The following TTLL9 variants were observed in gnomAD, a reference collection of about 807,000 sequenced individuals.
TTLL9 encodes the protein tubulin tyrosine ligase like 9.
A neutral mutation model predicts 65.6 loss-of-function variants in TTLL9; 47 were observed. That is an observed-to-expected ratio of 0.72 (90% CI 0.57 to 0.91). The LOEUF (loss-of-function observed/expected upper bound fraction) is 0.91. Among genes scored for constraint, TTLL9 ranks in the 40% least tolerant of loss-of-function variants. The pLI is 0.00. For synonymous variants in TTLL9, 179 were observed against 204.8 expected, an observed-to-expected ratio of 0.87 and a Z score of 1.07; for missense variants, 537 against 568.8, an observed-to-expected ratio of 0.94 and a Z score of 0.57.
At chr20:31,901,292 G>A (rs73102611) in intron 4 of TTLL9, 39,113 of 152,050 alleles carry the variant, frequency 0.26, 5,435 homozygotes, top group African/African-American at 0.33. Flanking sequence ...AGTGGAAGGA[G>A]GTTTTCTCAG....
intron 3 of TTLL9, among the ~76,000 whole-genome samples, chr20:31,894,508 C>G (rs758029382): frequency 8.6e-5 from 13 of 151,938 alleles, no homozygotes; most frequent in Admixed American, 1.3e-4. Context: ...ATTCTGATAA[C>G]TGGGTCATTT....
intron 2 of TTLL9, among the ~76,000 whole-genome samples, chr20:31,883,333 G>A (rs1037009473): frequency 1.3e-5 from 2 of 152,044 alleles, no homozygotes; most frequent in African/African-American, 4.8e-5. Context: ...AAGTAGCTGG[G>A]ATTACAGTTC....
At position 31,907,064 on chromosome 20, in the gene TTLL9, C is replaced by A. The variant is rs141483271; in HGVS notation, c.207-1527C>A. 1.2e-4 allele frequency among the ~76,000 whole-genome samples: 19 copies of A among 152,160 alleles called. No individual in the cohort carries two copies. In the Middle Eastern group the frequency reaches 0.01, roughly 82 times the overall value. ...GTATCAAAAGGATCGATCTCCAGAACAAAAGTTTGGTGGGAAAAAAGCATG... is the reference window on the plus strand; with the variant it reads ...GTATCAAAAGGATCGATCTCCAGAAAAAAAGTTTGGTGGGAAAAAAGCATG... On this transcript the variant is annotated intron_variant, in intron 4 of 14. Transcript: ENST00000535842.
chr20:31,898,217 C>T (rs1568768251), intron 3 of TTLL9, among the ~76,000 whole-genome samples: 1 of 152,130 alleles, frequency 6.6e-6, no homozygotes, highest in Non-Finnish European at 1.5e-5. Flanking sequence ...AGTCATAGCA[C>T]ATGGAAAGCA....
Position 31,939,167 on chromosome 20 carries a change from G to C in TTLL9, c.1144G>C (p.Gly382Arg), listed in dbSNP as rs767704747. The change falls in exon 14 of 15, where the codon GGG becomes CGG. Residue 382 changes from glycine to arginine, a missense_variant. Coordinates refer to ENST00000535842, the MANE Select transcript of TTLL9 (RefSeq NM_001008409.5). Reference sequence around the variant, plus strand: ...GCTCACGGGAAGGGAGAAGCGAGTCGGGGGCTTTGACCTCATGTGGAATGA... The same window carrying C: ...GCTCACGGGAAGGGAGAAGCGAGTCCGGGGCTTTGACCTCATGTGGAATGA... The part of the protein sequence containing the change: ...ARLTGREKRV[G>R]GFDLMWNDGP... The C allele has an allele frequency of 6.2e-7, 1 of 1,603,506 alleles. No homozygotes were observed. The highest frequency in any genetic ancestry group is 8.5e-7 in the Non-Finnish European group (1 of 1,175,042).
At chr20:31,900,857 C>T (rs558501411) in intron 4 of TTLL9, among the ~76,000 whole-genome samples, 1 of 152,310 alleles carries the variant, frequency 6.6e-6, no homozygotes, top group South Asian at 2.1e-4. Context: ...CTGCCCCTCT[C>T]CTGCCTCTGC....
chr20:31,937,275 G>T (rs1461082929), intron 12 of TTLL9, 121 bp from the exon 13 acceptor site: 3 of 642,424 alleles, frequency 4.7e-6, no homozygotes, highest in Non-Finnish European at 8.3e-6. Context: ...TAGAAAGGTA[G>T]AGAGAGTAGC....
intron 6 of TTLL9, among the ~76,000 whole-genome samples, chr20:31,913,836 A>G (rs1218850948): frequency 2.6e-5 from 4 of 152,224 alleles, no homozygotes; most frequent in Admixed American, 6.5e-5. Context: ...CTCCCCTGCC[A>G]GCAGTTCAGG....
At chr20:31,903,494 C>G (rs1352182646) in intron 4 of TTLL9, among the ~76,000 whole-genome samples, 1 of 152,022 alleles carries the variant, frequency 6.6e-6, no homozygotes, top group African/African-American at 2.4e-5. Flanking sequence ...TCCAATTCAC[C>G]TATTTTTTCT....
At chr20:31,933,940 C>T in intron 11 of TTLL9, 82 bp downstream of exon 11, 1 of 1,400,440 alleles carries the variant, frequency 7.1e-7, no homozygotes, top group Non-Finnish European at 9.7e-7. Flanking sequence ...GGCAAGGAGC[C>T]CAGGACAGGC....
chr20:31,922,066 C>T (rs890438331), intron 7 of TTLL9, among the ~76,000 whole-genome samples: 1 of 151,896 alleles, frequency 6.6e-6, no homozygotes, highest in Non-Finnish European at 1.5e-5. Flanking sequence ...GTCAGGAGTT[C>T]GAGACCAGCC....
chr20:31,908,896 G>T (rs2123502017), intron 5 of TTLL9, among the ~76,000 whole-genome samples, 194 bp downstream of exon 5: 1 of 152,262 alleles, frequency 6.6e-6, no homozygotes, highest in South Asian at 2.1e-4. Context: ...GAGGACTGGA[G>T]GTCACAGGCT....
intron 14 of TTLL9, 158 bp downstream of exon 14, chr20:31,939,424 C>T (rs1349338935): frequency 2.7e-6 from 2 of 744,972 alleles, no homozygotes; most frequent in Non-Finnish European, 3.8e-6. Context: ...CTCTGTTCCT[C>T]GTTTTTAAAC....
chr20:31,914,523 C>G (rs1214013289), intron 6 of TTLL9, among the ~76,000 whole-genome samples: 1 of 152,176 alleles, frequency 6.6e-6, no homozygotes, highest in African/African-American at 2.4e-5. Context: ...ATACTGAAAA[C>G]CCGTTATCAA....
chr20:31,915,854 A>G (rs1397307041), intron 6 of TTLL9, among the ~76,000 whole-genome samples: 1 of 152,094 alleles, frequency 6.6e-6, no homozygotes, highest in African/African-American at 2.4e-5. Context: ...TGCCATTGTT[A>G]TGAACCATTC....
intron 10 of TTLL9, among the ~76,000 whole-genome samples, chr20:31,930,211 T>C (rs984827762): frequency 9.9e-5 from 15 of 152,082 alleles, no homozygotes; most frequent in African/African-American, 3.6e-4. Context: ...CTGGGGACAA[T>C]TGTTTTAAAC....
At chr20:31,903,834 A>G (rs1232882184) in intron 4 of TTLL9, among the ~76,000 whole-genome samples, 2 of 152,340 alleles carry the variant, frequency 1.3e-5, no homozygotes, top group Admixed American at 6.5e-5. Flanking sequence ...GGACATTAAC[A>G]TTGATATATT....
chr20:31,934,480 C>T (rs1410856716), intron 11 of TTLL9: 4 of 682,922 alleles, frequency 5.9e-6, no homozygotes, highest in Middle Eastern at 2.4e-4. Flanking sequence ...GCAGGGACTT[C>T]TGGGGTCCTG....
chr20:31,926,571 C>T (rs962632572), intron 10 of TTLL9, among the ~76,000 whole-genome samples: 43 of 152,102 alleles, frequency 2.8e-4, no homozygotes, highest in African/African-American at 9.7e-4. Flanking sequence ...AGTACATCTG[C>T]GGTATAAGAC....
Sources: allele counts gnomAD v4.1 joint callset (sites outside exome capture counted in the v4.1 genomes callset), GRCh38; gene constraint gnomAD v4.1.1; transcripts MANE v1.5; gene names NCBI Gene and HGNC (gene_info 2026-07-23, HGNC 2026-07-21).